The following TNKS variants were observed in gnomAD, a reference collection of about 807,000 sequenced individuals.
TNKS encodes the protein poly [ADP-ribose] polymerase tankyrase-1.
Under a neutral mutation model 135.8 loss-of-function variants are expected in TNKS, and 72 were observed. The ratio of observed to expected loss-of-function variants is 0.53; its 90% CI spans 0.44 to 0.64. TNKS has a LOEUF of 0.64. TNKS is among the 30% of genes least tolerant of loss of function. The pLI is 0.00. For missense variants in TNKS, 1,769 were observed against 1,674.0 expected (o/e 1.06, Z -0.99); for synonymous variants, 849 against 649.3 (o/e 1.31, Z -4.68).
chr8:9,645,485 A>G (rs1800887775), intron 3 of TNKS, among the ~76,000 whole-genome samples: 1 of 152,180 alleles, frequency 6.6e-6, no homozygotes, highest in Non-Finnish European at 1.5e-5. Flanking sequence ...TAACAGAAAG[A>G]GACACGAGCC....
At chr8:9,674,475 A>T (rs1398867725) in intron 3 of TNKS, among the ~76,000 whole-genome samples, 2 of 152,172 alleles carry the variant, frequency 1.3e-5, no homozygotes, top group Non-Finnish European at 2.9e-5. Context: ...TATTAGGGTA[A>T]AAGGTAACTT....
At chr8:9,597,653 C>T (rs144895611) in intron 2 of TNKS, among the ~76,000 whole-genome samples, 1 of 152,268 alleles carries the variant, frequency 6.6e-6, no homozygotes, top group African/African-American at 2.4e-5. Context: ...TTTGCTGTAA[C>T]CAAATATTAA....
At chr8:9,631,785 AG>A (rs1335374489) in intron 3 of TNKS, among the ~76,000 whole-genome samples, 4 of 151,956 alleles carry the variant, frequency 2.6e-5, no homozygotes, top group African/African-American at 7.2e-5. Context: ...TTCAAGAAAA[AG>A]TGTCAAGTTT....
chr8:9,776,279 C>G (rs924106068), intron 26 of TNKS, among the ~76,000 whole-genome samples: 2 of 152,200 alleles, frequency 1.3e-5, no homozygotes, highest in African/African-American at 2.4e-5. Flanking sequence ...ATTTTTCTTT[C>G]ATTTAGCAAA....
intron 3 of TNKS, among the ~76,000 whole-genome samples, chr8:9,668,204 A>G (rs935288972): frequency 6.6e-6 from 1 of 152,246 alleles, no homozygotes; most frequent in Non-Finnish European, 1.5e-5. Flanking sequence ...TCGGAGATTT[A>G]CCATTGGTAT....
At chr8:9,676,686 C>CTCTGTGTGTGTGTGTGTGTGTG (rs1554467464) in intron 3 of TNKS, among the ~76,000 whole-genome samples, 13 of 147,786 alleles carry the variant, frequency 8.8e-5, no homozygotes, top group Non-Finnish European at 1.5e-4. Context: ...CTCTCTCTCT[C>CTCTGTGTGTGTGTGTGTGTGTG]TGTGTGTGTG....
intron 3 of TNKS, among the ~76,000 whole-genome samples, chr8:9,668,718 G>A (rs1018164482): frequency 1.3e-5 from 2 of 152,174 alleles, no homozygotes; most frequent in African/African-American, 4.8e-5. Context: ...AATGATTGGA[G>A]CTTAGATCAT....
chr8:9,686,480 A>C (rs1206620402), intron 5 of TNKS, among the ~76,000 whole-genome samples: 2 of 152,212 alleles, frequency 1.3e-5, no homozygotes. Flanking sequence ...ATGTAGTAAT[A>C]GATAACTGAA....
chr8:9,630,081 A>G (rs79361467), intron 3 of TNKS, among the ~76,000 whole-genome samples: 2 of 152,126 alleles, frequency 1.3e-5, no homozygotes, highest in Admixed American at 1.3e-4. Context: ...TCCAGCCACC[A>G]GTCACCCTGT....
intron 3 of TNKS, among the ~76,000 whole-genome samples, chr8:9,648,533 A>G (rs1801006189): frequency 6.6e-6 from 1 of 152,198 alleles, no homozygotes; most frequent in Admixed American, 6.5e-5. Context: ...TTCGTGGACA[A>G]TAAACCACTA....
At chr8:9,689,021 A>G (rs1803140269) in intron 5 of TNKS, among the ~76,000 whole-genome samples, 1 of 152,116 alleles carries the variant, frequency 6.6e-6, no homozygotes. Context: ...CATCCAAACC[A>G]TATTACCTCA....
chr8:9,636,655 G>C (rs61457412), intron 3 of TNKS, among the ~76,000 whole-genome samples: 174 of 152,244 alleles, frequency 1.1e-3, no homozygotes, highest in African/African-American at 4.0e-3. Context: ...CATCCAGTGA[G>C]GTTGTTTTGA....
In TNKS at chr8:9,708,429, T is replaced by C. The variant is rs56411177; in HGVS notation, c.1515T>C (p.Val505=). ...CCAGAGAAGCAGACTTAGCTAAAGT[T>C]AAAAAAACACTCGCTCTGGAAATCA... ...QAAREADLAK[V]KKTLALEIIN... Residue 505 remains valine (V), a synonymous_variant, in exon 9 of 27, where the codon GTT becomes GTC. Coordinates refer to ENST00000310430, the MANE Select transcript of TNKS (RefSeq NM_003747.3). The C allele has an allele frequency of 5.7e-4, 912 of 1,610,494 alleles. 6 individuals carry two copies. In the African/African-American group the frequency reaches 0.01, roughly 18 times the overall value.
intron 12 of TNKS, among the ~76,000 whole-genome samples, chr8:9,726,066 T>C (rs1805144440): frequency 6.6e-6 from 1 of 152,184 alleles, no homozygotes; most frequent in Non-Finnish European, 1.5e-5. Context: ...ACAAGATGAT[T>C]CTGATTTTAA....
intron 3 of TNKS, among the ~76,000 whole-genome samples, chr8:9,674,712 G>C (rs984114055): frequency 6.6e-6 from 1 of 152,154 alleles, no homozygotes; most frequent in South Asian, 2.1e-4. Context: ...ACAATGTAGA[G>C]ATTATGTTGG....
At chr8:9,562,399 A>T (rs1382410367) in intron 1 of TNKS, among the ~76,000 whole-genome samples, 1 of 152,116 alleles carries the variant, frequency 6.6e-6, no homozygotes, top group Non-Finnish European at 1.5e-5. Context: ...AAGAACTTTT[A>T]TCTGGCCCCA....
chr8:9,589,261 A>G (rs1280889878), intron 2 of TNKS, among the ~76,000 whole-genome samples: 1 of 152,212 alleles, frequency 6.6e-6, no homozygotes, highest in Non-Finnish European at 1.5e-5. Context: ...TAGCAGCAGG[A>G]TCAGCTTGAC....
chr8:9,752,801 A>C (rs983872590), intron 20 of TNKS, among the ~76,000 whole-genome samples, 175 bp downstream of exon 20: 1 of 151,950 alleles, frequency 6.6e-6, no homozygotes, highest in Admixed American at 6.6e-5. Context: ...ACAAAAAAAA[A>C]AGTTTTTAAG....
chr8:9,578,530 A>C (rs148902835), intron 1 of TNKS, among the ~76,000 whole-genome samples: 271 of 152,308 alleles, frequency 1.8e-3, no homozygotes, highest in Non-Finnish European at 3.1e-3. Context: ...TTTGTAATAC[A>C]TATCTGTGGA....
Sources: gnomAD v4.1 joint callset for allele counts (sites outside exome capture counted in the v4.1 genomes callset) on GRCh38, gnomAD v4.1.1 for gene constraint, MANE v1.5 for transcripts, NCBI Gene and HGNC (gene_info 2026-07-23, HGNC 2026-07-21) for gene names.